Variants in GLRB observed in about 807,000 individuals in gnomAD.
GLRB encodes glycine receptor subunit beta.
In GLRB, 33 loss-of-function variants were observed where a neutral mutation model predicts 54.2. The ratio of observed to expected loss-of-function variants is 0.61; its 90% confidence interval spans 0.46 to 0.81. The LOEUF is 0.81. Ranked by LOEUF, GLRB falls within the 40% of genes least tolerant of loss-of-function variation. The pLI, the probability that GLRB is intolerant of heterozygous loss-of-function variation, is 0.00. For synonymous variants in GLRB, 209 were observed against 208.2 expected (o/e 1.00, Z -0.03); for missense variants, 572 against 584.6 (o/e 0.98, Z 0.22).
chr4:157,112,201 T>C (rs1234734354), intron 2 of GLRB, among the ~76,000 whole-genome samples: 2 of 151,872 alleles, frequency 1.3e-5, no homozygotes, highest in Middle Eastern at 3.2e-3. Context: ...AATCTAGATA[T>C]GGGTGATGGG....
chr4:157,150,847 G>A (rs17035790), intron 8 of GLRB, among the ~76,000 whole-genome samples: 2 of 151,504 alleles, frequency 1.3e-5, no homozygotes, highest in African/African-American at 2.4e-5. Context: ...CTATCATAAC[G>A]TAGGCCTTCA....
intron 8 of GLRB, among the ~76,000 whole-genome samples, chr4:157,150,597 C>T (rs1161327430): frequency 6.6e-6 from 1 of 152,018 alleles, no homozygotes; most frequent in Non-Finnish European, 1.5e-5. Flanking sequence ...TCAAAAAGTT[C>T]TTTCAGATTC....
chr4:157,078,130 C>T lies in GLRB; in HGVS notation c.106C>T (p.Gln36Ter), dbSNP rs766926881. Residue 36 changes from glutamine (Q) to a stop codon, truncating the protein, a stop_gained, in exon 2 of 10, where the codon CAG becomes TAG. Coordinates refer to ENST00000264428, the MANE Select transcript of GLRB (RefSeq NM_000824.5). LOFTEE classifies it high-confidence loss of function. ...SSKKGKGKKK[Q>*]YLCPSQQSAE... ...AAAGAAAGGGAAGGGGAAAAAGAAG[C>T]AGTATCTATGCCCATCGTATGTTCT... 6.2e-7 allele frequency: 1 copy of T among 1,611,640 alleles called. No individual in the cohort carries two copies. Among genetic ancestry groups the T allele is most frequent in the Non-Finnish European group, 8.5e-7 (1 of 1,178,060 alleles).
chr4:157,077,365 TTAA>T (rs1734076012), intron 1 of GLRB, among the ~76,000 whole-genome samples: 1 of 152,144 alleles, frequency 6.6e-6, no homozygotes, highest in Non-Finnish European at 1.5e-5. Flanking sequence ...TAAAGCTAAC[TTAA>T]GAGGCACCTT....
At chr4:157,143,777 T>A in intron 7 of GLRB, 30 bp from the exon 8 acceptor site, 7 of 1,603,556 alleles carry the variant, frequency 4.4e-6, no homozygotes, top group Non-Finnish European at 6.0e-6. Context: ...GGTGAAAACC[T>A]CATGCCTTGA....
At chr4:157,168,092 C>T (rs560900491) in intron 9 of GLRB, among the ~76,000 whole-genome samples, 1 of 150,142 alleles carries the variant, frequency 6.7e-6, no homozygotes, top group South Asian at 2.1e-4. Flanking sequence ...AGACAAATAT[C>T]CAAACCACAT....
At position 157,170,630 on chromosome 4, in the gene GLRB, A is replaced by G; in HGVS notation, c.1396A>G (p.Ile466Val). The change falls in exon 10 of 10, where the codon ATT becomes GTT. Residue 466 changes from isoleucine (I) to valine (V), a missense_variant. Coordinates refer to ENST00000264428, the MANE Select transcript of GLRB (RefSeq NM_000824.5). ...NKKPPPAKPV[I>V]PTAAKRIDLY... ...GAAGCCTCCCCCTGCGAAACCTGTT[A>G]TTCCAACAGCAGCAAAGCGAATTGA... 6.2e-7 allele frequency: 1 copy of G among 1,612,280 alleles called. No homozygotes were observed. Among genetic ancestry groups the G allele is most frequent in the Non-Finnish European group, 8.5e-7 (1 of 1,178,598 alleles).
intron 7 of GLRB, among the ~76,000 whole-genome samples, chr4:157,141,148 G>A (rs1736595683): frequency 6.6e-6 from 1 of 151,830 alleles, no homozygotes; most frequent in African/African-American, 2.4e-5. Flanking sequence ...TTACTCAAGA[G>A]TTATAAGCAT....
intron 9 of GLRB, 76 bp downstream of exon 9, chr4:157,153,086 T>C: frequency 8.0e-7 from 1 of 1,253,004 alleles, no homozygotes; most frequent in South Asian, 1.2e-5. Flanking sequence ...CCTTTGTGTA[T>C]GTGACAAGTT....
intron 2 of GLRB, among the ~76,000 whole-genome samples, chr4:157,091,745 T>C (rs1734625577): frequency 6.6e-6 from 1 of 152,206 alleles, no homozygotes; most frequent in African/African-American, 2.4e-5. Flanking sequence ...TTTTCAATTC[T>C]GCTCTGCACT....
chr4:157,092,811 A>G (rs1001498518), intron 2 of GLRB, among the ~76,000 whole-genome samples: 6 of 152,212 alleles, frequency 3.9e-5, no homozygotes, highest in Admixed American at 6.5e-5. Flanking sequence ...GTCAGTCAGT[A>G]GTAGTCAGGT....
intron 2 of GLRB, among the ~76,000 whole-genome samples, chr4:157,079,937 A>T (rs1734167517): frequency 6.6e-6 from 1 of 152,156 alleles, no homozygotes; most frequent in Admixed American, 6.5e-5. Flanking sequence ...GGGTTTCTGT[A>T]TCTGAGCAAG....
At chr4:157,169,585 A>G (rs1737841750) in intron 9 of GLRB, among the ~76,000 whole-genome samples, 1 of 152,054 alleles carries the variant, frequency 6.6e-6, no homozygotes, top group Non-Finnish European at 1.5e-5. Flanking sequence ...TTTTGTGAAC[A>G]CTGTATTTTT....
chr4:157,154,735 C>T (rs1489413119), intron 9 of GLRB, among the ~76,000 whole-genome samples: 1 of 151,980 alleles, frequency 6.6e-6, no homozygotes, highest in Non-Finnish European at 1.5e-5. Flanking sequence ...CCCTCTTTTT[C>T]CTTTTTTAAT....
chr4:157,077,931 A>G, intron 1 of GLRB, 65 bp from the exon 2 acceptor site: 1 of 1,074,034 alleles, frequency 9.3e-7, no homozygotes, highest in Non-Finnish European at 1.4e-6. Flanking sequence ...ATACTCTTTA[A>G]AGGGACAGTC....
chr4:157,140,149 G>A (rs933282520), intron 7 of GLRB, among the ~76,000 whole-genome samples: 7 of 151,978 alleles, frequency 4.6e-5, no homozygotes, highest in Middle Eastern at 3.4e-3. Flanking sequence ...AGAGATAATA[G>A]TCGAATATAT....
At chr4:157,104,011 C>A (rs1404840363) in intron 2 of GLRB, among the ~76,000 whole-genome samples, 1 of 151,856 alleles carries the variant, frequency 6.6e-6, no homozygotes, top group Admixed American at 6.6e-5. Flanking sequence ...CATACAGAGA[C>A]AATTCACTTC....
chr4:157,149,382 A>G (rs759969254), intron 8 of GLRB, among the ~76,000 whole-genome samples: 1 of 152,096 alleles, frequency 6.6e-6, no homozygotes, highest in Non-Finnish European at 1.5e-5. Context: ...CCAAGTATGG[A>G]AGGAACTATG....
chr4:157,085,433 A>G (rs1234422595), intron 2 of GLRB, among the ~76,000 whole-genome samples: 1 of 151,902 alleles, frequency 6.6e-6, no homozygotes, highest in Non-Finnish European at 1.5e-5. Flanking sequence ...ATGTGTTACT[A>G]TATCTTCCTA....
Sources: allele counts gnomAD v4.1 joint callset (sites outside exome capture counted in the v4.1 genomes callset), GRCh38; gene constraint gnomAD v4.1.1; transcripts MANE v1.5; gene names NCBI Gene and HGNC (gene_info 2026-07-23, HGNC 2026-07-21).